Variants in LRBA observed in about 807,000 individuals in gnomAD.
LRBA encodes the protein lipopolysaccharide-responsive and beige-like anchor protein.
Under a neutral mutation model 330.0 loss-of-function variants are expected in LRBA, and 176 were observed. The observed-to-expected ratio is 0.53, with a 90% confidence interval of 0.47 to 0.60. The LOEUF (loss-of-function observed/expected upper bound fraction) is 0.60, where lower values mean the gene tolerates loss of function less well. LRBA is among the 20% of genes least tolerant of loss of function. The probability of loss-of-function intolerance (pLI) is 0.00; values close to 1 mark genes in which losing one functional copy is unlikely to be tolerated. For synonymous variants in LRBA, 1,230 were observed against 1,193.0 expected, an observed-to-expected ratio of 1.03 and a Z score of -0.64; for missense variants, 3,259 against 3,444.8, an observed-to-expected ratio of 0.95 and a Z score of 1.35.
At chr4:150,706,369 C>T (rs114022802) in intron 36 of LRBA, among the ~76,000 whole-genome samples, 1,737 of 151,622 alleles carry the variant, frequency 0.011, 15 homozygotes, top group Non-Finnish European at 0.018. Context: ...CTTAGACTAC[C>T]GGGTAGGTGG....
At chr4:150,517,794 G>A (rs1762518268) in intron 40 of LRBA, among the ~76,000 whole-genome samples, 2 of 152,150 alleles carry the variant, frequency 1.3e-5, no homozygotes, top group Admixed American at 1.3e-4. Context: ...TCAGAGGTAT[G>A]TTTCAAGACC....
At position 150,436,123 on chromosome 4, in the gene LRBA, G is replaced by C. The variant is rs115546733; in HGVS notation, c.6922-415C>G. ...ATTTAAAAGCCTCCTCTTAGTTAAA[G>C]AACACTTAAACACATATTAGTGGAT... On this transcript the variant is annotated intron_variant, in intron 45 of 56. Coordinates refer to ENST00000651943, the MANE Select transcript of LRBA (RefSeq NM_001364905.1). 7.2e-4 allele frequency among the ~76,000 whole-genome samples: 110 copies of C among 152,198 alleles called. 2 individuals carry two copies. The highest frequency in any genetic ancestry group is 3.4e-3 in the Middle Eastern group (1 of 292).
At chr4:150,836,527 T>C (rs1560890587) in intron 28 of LRBA, among the ~76,000 whole-genome samples, 1 of 151,998 alleles carries the variant, frequency 6.6e-6, no homozygotes, top group Non-Finnish European at 1.5e-5. Flanking sequence ...GGTTTAGTCT[T>C]GGGAGGGTGT....
At chr4:150,765,532 C>T (rs1017081587) in intron 34 of LRBA, among the ~76,000 whole-genome samples, 2 of 151,248 alleles carry the variant, frequency 1.3e-5, no homozygotes, top group Non-Finnish European at 2.9e-5. Flanking sequence ...GAAATCTCTA[C>T]CTTTTGATGA....
At chr4:150,869,872 T>C (rs551999719) in intron 20 of LRBA, among the ~76,000 whole-genome samples, 6 of 152,162 alleles carry the variant, frequency 3.9e-5, no homozygotes, top group Non-Finnish European at 7.4e-5. Context: ...CTGGGCAACA[T>C]AGGCAAAATA....
intron 2 of LRBA, among the ~76,000 whole-genome samples, chr4:150,965,737 T>C (rs1198685690): frequency 2.0e-5 from 3 of 150,952 alleles, no homozygotes; most frequent in Admixed American, 6.6e-5. Flanking sequence ...ACAGATGGGG[T>C]TTCACCAAGT....
intron 47 of LRBA, among the ~76,000 whole-genome samples, chr4:150,357,665 T>TTA (rs1738064820): frequency 6.8e-6 from 1 of 146,550 alleles, no homozygotes; most frequent in Non-Finnish European, 1.5e-5. Flanking sequence ...TTTTTTTTTT[T>TTA]AAAAAAAACC....
intron 2 of LRBA, among the ~76,000 whole-genome samples, chr4:151,005,509 G>A (rs948320542): frequency 7.8e-6 from 1 of 127,894 alleles, no homozygotes; most frequent in East Asian, 2.4e-4. Context: ...ATGAATACTA[G>A]AAAACTATAC....
intron 40 of LRBA, among the ~76,000 whole-genome samples, chr4:150,500,393 T>C (rs898121774): frequency 1.3e-5 from 2 of 151,890 alleles, no homozygotes; most frequent in Admixed American, 6.6e-5. Flanking sequence ...CTGGCCAACA[T>C]GGTGAAACCC....
intron 40 of LRBA, among the ~76,000 whole-genome samples, chr4:150,519,723 A>T (rs1374333067): frequency 6.6e-6 from 1 of 152,218 alleles, no homozygotes; most frequent in Non-Finnish European, 1.5e-5. Flanking sequence ...TAGGAGTGAC[A>T]CTGCTGTTTC....
chr4:150,918,512 G>C (rs1184133499), intron 5 of LRBA, among the ~76,000 whole-genome samples: 1 of 152,198 alleles, frequency 6.6e-6, no homozygotes, highest in African/African-American at 2.4e-5. Context: ...ACTTTGGGAG[G>C]CTGAGGCAGG....
intron 47 of LRBA, among the ~76,000 whole-genome samples, chr4:150,369,296 G>C (rs541694019): frequency 6.6e-6 from 1 of 152,176 alleles, no homozygotes; most frequent in Non-Finnish European, 1.5e-5. Flanking sequence ...ATAATCAAAT[G>C]TTATAAAATA....
chr4:151,005,629 T>A (rs1406826292), intron 2 of LRBA, among the ~76,000 whole-genome samples: 1 of 136,804 alleles, frequency 7.3e-6, no homozygotes, highest in African/African-American at 2.8e-5. Context: ...TTTGGAGACG[T>A]AATCTCATTC....
At chr4:150,732,776 A>G (rs1382570513) in intron 36 of LRBA, among the ~76,000 whole-genome samples, 1 of 152,008 alleles carries the variant, frequency 6.6e-6, no homozygotes, top group Non-Finnish European at 1.5e-5. Context: ...TACTTTCTAA[A>G]TATCCTACAT....
At position 150,415,582 on chromosome 4, in the gene LRBA, G is replaced by T. The variant is rs760554343; in HGVS notation, c.7050C>A (p.Ile2350=). ...TCTCAGGGAGATAATAAAATTCAGG[G>T]ATCAACTCCTATATAAAAATAAAAG... ...QRDTSDIKEL[I]PEFYYLPEMF... Residue 2350 remains isoleucine, a synonymous_variant, in exon 47 of 57, where the codon ATC becomes ATA. Coordinates refer to ENST00000651943, the MANE Select transcript of LRBA (RefSeq NM_001364905.1). The T allele has an allele frequency of 1.2e-5, 19 of 1,557,044 alleles. No individual in the cohort carries two copies. The highest frequency in any genetic ancestry group is 1.2e-4 in the Admixed American group (7 of 59,524).
chr4:150,963,921 T>C (rs1279564663), intron 2 of LRBA, among the ~76,000 whole-genome samples: 1 of 145,164 alleles, frequency 6.9e-6, no homozygotes, highest in Non-Finnish European at 1.5e-5. Flanking sequence ...CCGCCCCGTC[T>C]GGGATGTGAA....
chr4:150,956,874 AG>A (rs1210380986), intron 2 of LRBA, among the ~76,000 whole-genome samples: 2 of 149,434 alleles, frequency 1.3e-5, no homozygotes, highest in South Asian at 2.1e-4. Context: ...AACCTGACAA[AG>A]GGCATCTATG....
chr4:150,773,380 C>T (rs865909504), intron 34 of LRBA, among the ~76,000 whole-genome samples: 5 of 152,170 alleles, frequency 3.3e-5, no homozygotes, highest in Non-Finnish European at 5.9e-5. Context: ...GAAAAAAAGG[C>T]ATTTGTCACG....
At chr4:150,539,935 C>T (rs1382341110) in intron 40 of LRBA, among the ~76,000 whole-genome samples, 3 of 152,284 alleles carry the variant, frequency 2.0e-5, no homozygotes, top group South Asian at 4.1e-4. Flanking sequence ...CATTTATGTA[C>T]TCACAAATAT....
Sources: gnomAD v4.1 joint callset for allele counts (sites outside exome capture counted in the v4.1 genomes callset) on GRCh38, gnomAD v4.1.1 for gene constraint, MANE v1.5 for transcripts, NCBI Gene and HGNC (gene_info 2026-07-23, HGNC 2026-07-21) for gene names.